Variants in THEMIS observed in about 807,000 individuals in gnomAD.
THEMIS encodes thymocyte selection associated, also known as protein THEMIS.
Under a neutral mutation model 52.6 loss-of-function variants are expected in THEMIS, and 37 were observed. The observed-to-expected ratio is 0.70, with a 90% CI of 0.54 to 0.93. The LOEUF (loss-of-function observed/expected upper bound fraction) is 0.93. Ranked by LOEUF, THEMIS falls within the 40% of genes least tolerant of loss-of-function variation. The pLI is 0.00. For synonymous variants in THEMIS, 292 were observed against 272.7 expected, an observed-to-expected ratio of 1.07 and a Z score of -0.70; for missense variants, 808 against 763.1, an observed-to-expected ratio of 1.06 and a Z score of -0.69.
intron 2 of THEMIS, among the ~76,000 whole-genome samples, chr6:127,836,285 G>T (rs1393823933): frequency 6.6e-6 from 1 of 152,132 alleles, no homozygotes; most frequent in African/African-American, 2.4e-5. Context: ...TTATGCTTAT[G>T]ATTATGTAAA....
chr6:127,780,794 G>A (rs1254818649), intron 4 of THEMIS, among the ~76,000 whole-genome samples: 4 of 152,096 alleles, frequency 2.6e-5, no homozygotes, highest in Non-Finnish European at 5.9e-5. Flanking sequence ...TCTCTTTGTG[G>A]GTAACCCAAC....
upstream of THEMIS, among the ~76,000 whole-genome samples, chr6:127,903,856 T>C (rs1388861035): frequency 1.3e-5 from 2 of 152,052 alleles, no homozygotes; most frequent in African/African-American, 4.8e-5. Context: ...TGAGCTTGTA[T>C]CTGACCACGT....
intron 5 of THEMIS, among the ~76,000 whole-genome samples, chr6:127,717,397 C>CT (rs576911154): frequency 3.3e-5 from 5 of 151,754 alleles, no homozygotes; most frequent in Non-Finnish European, 7.4e-5. Flanking sequence ...TTTCAGAGAA[C>CT]TTTTTTTTAA....
At chr6:127,868,342 T>C (rs1780048576) in intron 1 of THEMIS, 1 of 677,670 alleles carries the variant, frequency 1.5e-6, no homozygotes, top group African/African-American at 2.0e-5. Context: ...AGTGTCCTCC[T>C]ATGGATGGGG....
chr6:127,738,481 C>G (rs1415461191), intron 4 of THEMIS, among the ~76,000 whole-genome samples: 5 of 152,174 alleles, frequency 3.3e-5, no homozygotes, highest in Admixed American at 6.5e-5. Context: ...TCATATACAA[C>G]TAGAGTTGTC....
At chr6:127,840,068 A>G (rs551724809) in intron 2 of THEMIS, among the ~76,000 whole-genome samples, 92 of 152,236 alleles carry the variant, frequency 6.0e-4, no homozygotes, top group African/African-American at 2.1e-3. Context: ...CACACCCTCA[A>G]AAAAGCAGTT....
chr6:127,731,864 A>ATTTCTTTTT (rs1774813637), intron 4 of THEMIS, among the ~76,000 whole-genome samples: 1 of 41,704 alleles, frequency 2.4e-5, no homozygotes, highest in Non-Finnish European at 3.8e-5. Context: ...TGCCCGGCTA[A>ATTTCTTTTT]TTTTTTTTTT....
chr6:127,729,067 T>TA (rs1420361154), intron 4 of THEMIS, among the ~76,000 whole-genome samples: 2 of 152,132 alleles, frequency 1.3e-5, no homozygotes, highest in East Asian at 3.9e-4. Context: ...AAAACCTGCA[T>TA]ATTAACAACT....
Position 127,900,964 on chromosome 6 carries a change from G to A in THEMIS, c.-32C>T. The A allele has an allele frequency of 6.4e-7, 1 of 1,569,294 alleles. No homozygotes were observed. The highest frequency in any genetic ancestry group is 2.2e-5 in the East Asian group (1 of 44,584). ...GCCTTGGGTAGTTTGTAGACCTGGTGCTCACAGAAACTTGTGGCTTCTGGG... is the reference window on the plus strand; with the variant it reads ...GCCTTGGGTAGTTTGTAGACCTGGTACTCACAGAAACTTGTGGCTTCTGGG... On this transcript the variant is annotated 5_prime_UTR_variant, in exon 1 of 6. Transcript: ENST00000368248.
intron 3 of THEMIS, among the ~76,000 whole-genome samples, chr6:127,827,661 G>A (rs1778552484): frequency 6.6e-6 from 1 of 152,100 alleles, no homozygotes; most frequent in Admixed American, 6.6e-5. Flanking sequence ...CTGGGAACAA[G>A]TTTGGCTTTT....
At chr6:127,745,032 GC>G (rs932460640) in intron 4 of THEMIS, among the ~76,000 whole-genome samples, 4 of 151,704 alleles carry the variant, frequency 2.6e-5, no homozygotes, top group Admixed American at 1.3e-4. Context: ...CAAAAAAGTT[GC>G]CAAAAGAAAA....
rs764553952 is a variant in THEMIS, at chr6:127,813,320, T to C, written c.1321A>G (p.Lys441Glu). Residue 441 changes from lysine to glutamate, a missense_variant, in exon 4 of 6, where the codon AAG becomes GAG. Lys to Glu is a moderately conservative substitution (Grantham distance 56, BLOSUM62 1). Transcript: ENST00000368248. ...AGCTCAGAAATCGGGTACTGTTTCT[T>C]ATCATGAATCACCTCTACAAAACCT... ...EGGFVEVIHD[K>E]KQYPISELCK... 23 of 1,614,022 alleles carry C rather than the reference T, an allele frequency of 1.4e-5. No individual in the cohort carries two copies. The highest frequency in any genetic ancestry group is 1.9e-5 in the Non-Finnish European group (23 of 1,180,020).
At chr6:127,825,244 G>T (rs1778468882) in intron 3 of THEMIS, among the ~76,000 whole-genome samples, 1 of 152,034 alleles carries the variant, frequency 6.6e-6, no homozygotes, top group Admixed American at 6.6e-5. Flanking sequence ...TAATTGAGTG[G>T]ACATTATCAG....
At chr6:127,703,117 G>A (rs1397388241), downstream of THEMIS, among the ~76,000 whole-genome samples, 2 of 132,236 alleles carry the variant, frequency 1.5e-5, no homozygotes, top group Admixed American at 8.9e-5. Flanking sequence ...GCGGGATCTC[G>A]GCTCACTGCA....
intron 2 of THEMIS, among the ~76,000 whole-genome samples, chr6:127,850,271 A>C (rs2114269046): frequency 6.6e-6 from 1 of 152,052 alleles, no homozygotes; most frequent in South Asian, 2.1e-4. Context: ...TCTCATGAAA[A>C]GGAAACACTT....
chr6:127,842,809 T>TC (rs1175814266), intron 2 of THEMIS, among the ~76,000 whole-genome samples: 1 of 151,920 alleles, frequency 6.6e-6, no homozygotes, highest in Non-Finnish European at 1.5e-5. Flanking sequence ...AGCTCAGGGT[T>TC]CCCCAATTAT....
At chr6:127,698,180 T>C in the THEMIS span, among the ~76,000 whole-genome samples, 4 of 152,192 alleles carry the variant, frequency 2.6e-5, no homozygotes, top group Non-Finnish European at 2.9e-5. Context: ...AAATTTTTAA[T>C]GATAGTCTTT....
upstream of THEMIS, among the ~76,000 whole-genome samples, chr6:127,901,307 T>C (rs1444648403): frequency 6.6e-6 from 1 of 152,012 alleles, no homozygotes; most frequent in East Asian, 1.9e-4. Context: ...GAGGTCAGAG[T>C]TGCTTGTGGC....
intron 2 of THEMIS, among the ~76,000 whole-genome samples, chr6:127,849,869 C>T (rs1045862976): frequency 6.6e-6 from 1 of 151,244 alleles, no homozygotes; most frequent in African/African-American, 2.4e-5. Flanking sequence ...AAAGCAAATG[C>T]CACAAAAATA....
Sources: allele counts gnomAD v4.1 joint callset (sites outside exome capture counted in the v4.1 genomes callset), GRCh38; gene constraint gnomAD v4.1.1; transcripts MANE v1.5; gene names NCBI Gene and HGNC (gene_info 2026-07-23, HGNC 2026-07-21).